RIMS2: variants seen among roughly 807,000 people sequenced by gnomAD.
RIMS2 encodes the protein regulating synaptic membrane exocytosis protein 2.
RIMS2 carries 59 observed loss-of-function variants against 174.4 expected under a neutral mutation model. The ratio of observed to expected loss-of-function variants is 0.34; its 90% CI spans 0.27 to 0.42. The LOEUF is 0.42. Among genes scored for constraint, RIMS2 ranks in the 10% least tolerant of loss-of-function variants. RIMS2 has a pLI of 1.00. For synonymous variants in RIMS2, 606 were observed against 572.5 expected (o/e 1.06, Z -0.84); for missense variants, 1,620 against 1,666.3 (o/e 0.97, Z 0.48).
chr8:104,153,348 T>A (rs1348899936), intron 19 of RIMS2, among the ~76,000 whole-genome samples: 1 of 152,210 alleles, frequency 6.6e-6, no homozygotes, highest in Admixed American at 6.5e-5. Flanking sequence ...CCAGCAGATC[T>A]GAGTCATAGT....
intron 1 of RIMS2, among the ~76,000 whole-genome samples, chr8:103,544,272 A>C (rs1213442891): frequency 6.6e-6 from 1 of 152,228 alleles, no homozygotes; most frequent in African/African-American, 2.4e-5. Flanking sequence ...GCTGGTAGCC[A>C]GGTGGGCAAC....
rs555128581 is a variant in RIMS2, at chr8:103,609,044, C to G, written c.177-88042C>G. 2.0e-5 allele frequency among the ~76,000 whole-genome samples: 3 copies of G among 152,302 alleles called. No individual in the cohort carries two copies. The East Asian group carries it at 5.8e-4, about 29-fold the overall frequency. Reference sequence around the variant, plus strand: ...CCATTTTTTGACTTTTTAATAATATCTATCTGACTGGTGTGAGATGGTATC... The same window carrying G: ...CCATTTTTTGACTTTTTAATAATATGTATCTGACTGGTGTGAGATGGTATC... On this transcript the variant is annotated intron_variant, in intron 1 of 23. Transcript: ENST00000504942.
chr8:103,948,350 A>G (rs935742452), intron 14 of RIMS2, among the ~76,000 whole-genome samples: 2 of 152,212 alleles, frequency 1.3e-5, no homozygotes, highest in African/African-American at 2.4e-5. Flanking sequence ...ATGAAAGTGA[A>G]TGTTCACTGA....
chr8:104,055,050 G>A (rs2096846204), intron 19 of RIMS2, among the ~76,000 whole-genome samples: 1 of 151,942 alleles, frequency 6.6e-6, no homozygotes, highest in Admixed American at 6.6e-5. Flanking sequence ...TTTCATTAAG[G>A]TTTGGGGGGC....
At chr8:103,798,793 TA>T (rs2098578267) in intron 3 of RIMS2, among the ~76,000 whole-genome samples, 1 of 152,182 alleles carries the variant, frequency 6.6e-6, no homozygotes, top group African/African-American at 2.4e-5. Flanking sequence ...CCCTGGATGT[TA>T]CCTTACCTGG....
At chr8:103,687,217 G>A (rs1398559860) in intron 1 of RIMS2, among the ~76,000 whole-genome samples, 1 of 151,920 alleles carries the variant, frequency 6.6e-6, no homozygotes, top group African/African-American at 2.4e-5. Context: ...ATACATATGG[G>A]CATATGGTTG....
chr8:103,687,906 C>G (rs1370907148), intron 1 of RIMS2, among the ~76,000 whole-genome samples: 1 of 151,636 alleles, frequency 6.6e-6, no homozygotes, highest in Non-Finnish European at 1.5e-5. Flanking sequence ...TTTATTGATT[C>G]ATTCACTGAT....
At chr8:103,910,402 A>G in intron 5 of RIMS2, 2 of 1,597,682 alleles carry the variant, frequency 1.3e-6, no homozygotes, top group Admixed American at 3.3e-5. Context: ...AGACAAAAGG[A>G]AATGATGTAC....
At chr8:103,674,496 T>C (rs2096783869) in intron 1 of RIMS2, among the ~76,000 whole-genome samples, 1 of 152,108 alleles carries the variant, frequency 6.6e-6, no homozygotes, top group Admixed American at 6.5e-5. Flanking sequence ...TTTTTTTGTA[T>C]CTATATCTTT....
At chr8:103,967,643 T>TG (rs2092256620) in intron 15 of RIMS2, among the ~76,000 whole-genome samples, 1 of 152,144 alleles carries the variant, frequency 6.6e-6, no homozygotes, top group East Asian at 1.9e-4. Flanking sequence ...CCAACTATAA[T>TG]GGTGGATTCA....
At chr8:104,076,676 T>C (rs1371506238) in intron 19 of RIMS2, among the ~76,000 whole-genome samples, 3 of 151,654 alleles carry the variant, frequency 2.0e-5, no homozygotes, top group Non-Finnish European at 4.4e-5. Context: ...GTAGATTCCT[T>C]AACCAAACTG....
chr8:103,881,378 T>A (rs1257922252), intron 3 of RIMS2, among the ~76,000 whole-genome samples: 1 of 151,524 alleles, frequency 6.6e-6, no homozygotes, highest in Non-Finnish European at 1.5e-5. Flanking sequence ...GAATTATAGC[T>A]GGTATTAGTA....
At chr8:103,627,968 C>A (rs2095826621) in intron 1 of RIMS2, among the ~76,000 whole-genome samples, 1 of 152,212 alleles carries the variant, frequency 6.6e-6, no homozygotes. Context: ...TTACAACTCT[C>A]TTCATGGATT....
At chr8:104,216,931 T>G (rs1394750370) in intron 19 of RIMS2, among the ~76,000 whole-genome samples, 1 of 152,202 alleles carries the variant, frequency 6.6e-6, no homozygotes, top group Non-Finnish European at 1.5e-5. Flanking sequence ...AACTACCTTA[T>G]ATAGTGTTTA....
At chr8:103,561,224 T>C (rs1418825878) in intron 1 of RIMS2, among the ~76,000 whole-genome samples, 3 of 148,854 alleles carry the variant, frequency 2.0e-5, no homozygotes, top group Non-Finnish European at 1.5e-5. Flanking sequence ...AGTATGGGCT[T>C]AACAAAGAGC....
At chr8:103,525,865 T>A (rs1366581361) in intron 1 of RIMS2, among the ~76,000 whole-genome samples, 4 of 152,194 alleles carry the variant, frequency 2.6e-5, no homozygotes, top group South Asian at 4.1e-4. Flanking sequence ...CAATTTGGAC[T>A]AACTCTTCCA....
intron 1 of RIMS2, among the ~76,000 whole-genome samples, chr8:103,535,572 C>G (rs1476688637): frequency 6.6e-6 from 1 of 152,174 alleles, no homozygotes; most frequent in East Asian, 1.9e-4. Flanking sequence ...TGGCTAGACT[C>G]CAGGAGCCAG....
At chr8:103,510,561 A>C (rs1268618905) in intron 1 of RIMS2, among the ~76,000 whole-genome samples, 1 of 152,084 alleles carries the variant, frequency 6.6e-6, no homozygotes, top group Non-Finnish European at 1.5e-5. Flanking sequence ...CTTGTTGGCT[A>C]TTCAGCTGAG....
chr8:103,726,729 T>TTA lies in RIMS2; in HGVS notation c.387+29449_387+29450dup, dbSNP rs908338999. Among the ~76,000 whole-genome samples, 383 of 146,648 alleles carry TTA rather than the reference T, an allele frequency of 2.6e-3. 1 individual carries two copies. Among genetic ancestry groups the TTA allele is most frequent in the Non-Finnish European group, 3.7e-3 (247 of 66,608 alleles). ...TATATATATATTTTATTTATATTAA[T>TTA]TATATATATATATATATTTTTGAGA... On this transcript the variant is annotated intron_variant, in intron 2 of 23. Coordinates refer to ENST00000504942, the Ensembl canonical transcript of RIMS2.
Sources: gnomAD v4.1 joint callset for allele counts (sites outside exome capture counted in the v4.1 genomes callset) on GRCh38, gnomAD v4.1.1 for gene constraint, MANE v1.5 for transcripts, NCBI Gene and HGNC (gene_info 2026-07-23, HGNC 2026-07-21) for gene names.